Variants in MICAL3 observed in about 807,000 individuals in gnomAD.
MICAL3 encodes microtubule associated monooxygenase, calponin and LIM domain containing 3.
A neutral mutation model predicts 207.4 loss-of-function variants in MICAL3; 62 were observed. That is an observed-to-expected ratio of 0.30 (90% CI 0.24 to 0.37). MICAL3 has a LOEUF of 0.37. Among genes scored for constraint, MICAL3 ranks in the 10% least tolerant of loss-of-function variants. The pLI is 1.00. For synonymous variants in MICAL3, 1,077 were observed against 1,069.3 expected (o/e 1.01, Z -0.14); for missense variants, 2,368 against 2,635.6 (o/e 0.90, Z 2.22).
intron 19 of MICAL3, chr22:17,861,635 A>G (rs1006282001): frequency 6.1e-6 from 6 of 985,314 alleles, no homozygotes; most frequent in Non-Finnish European, 7.2e-6. Context: ...CCTATTGTTC[A>G]AGCTTTTTCT....
chr22:17,925,800 T>C (rs1789341004), intron 1 of MICAL3, among the ~76,000 whole-genome samples: 1 of 152,130 alleles, frequency 6.6e-6, no homozygotes, highest in Non-Finnish European at 1.5e-5. Context: ...CTCTTCACCA[T>C]GACAGATCTT....
intron 23 of MICAL3, among the ~76,000 whole-genome samples, chr22:17,822,602 C>T (rs754888551): frequency 3.9e-5 from 6 of 152,220 alleles, no homozygotes; most frequent in Non-Finnish European, 7.3e-5. Flanking sequence ...TCTCATTCTT[C>T]CCAGCCTCGT....
intron 11 of MICAL3, among the ~76,000 whole-genome samples, chr22:17,893,575 CG>C (rs1196237805): frequency 6.6e-6 from 1 of 152,176 alleles, no homozygotes; most frequent in Admixed American, 6.5e-5. Flanking sequence ...TCGTGCACTG[CG>C]GGATGTTCAG....
intron 1 of MICAL3, among the ~76,000 whole-genome samples, chr22:17,963,300 C>G (rs760569240): frequency 2.6e-5 from 4 of 152,032 alleles, no homozygotes; most frequent in Non-Finnish European, 4.4e-5. Context: ...TTTGTAGAGA[C>G]AGGGTTTCAA....
rs1556037530 is a variant in MICAL3 at position 17,866,669 on chromosome 22, A to AGAATAGAATAG, written c.2429-658_2429-657insCTATTCTATTC. Among the ~76,000 whole-genome samples the AGAATAGAATAG allele has an allele frequency of 9.1e-5, 8 of 87,500 alleles. No individual in the cohort carries two copies. In the East Asian group the frequency reaches 2.8e-3, roughly 31 times the overall value. The allele number at this position is 87,500 out of a possible 152,430, so 57.4% of individuals were successfully genotyped here. On this transcript the variant is annotated intron_variant, in intron 17 of 31. Coordinates refer to ENST00000441493, the MANE Select transcript of MICAL3 (RefSeq NM_015241.3). Reference sequence around the variant, plus strand: ...AGAATAGAATAGAATAGAATAGAATATAGAATAGAATAGAATAGAATCCAG... The same window carrying AGAATAGAATAG: ...AGAATAGAATAGAATAGAATAGAATAGAATAGAATAGTAGAATAGAATAGAATAGAATCCAG...
At chr22:17,825,958 A>G (rs1601980816) in intron 22 of MICAL3, among the ~76,000 whole-genome samples, 1 of 152,026 alleles carries the variant, frequency 6.6e-6, no homozygotes. Flanking sequence ...CCCTGGTCAC[A>G]CCCAGCCTGT....
chr22:17,804,900 C>G (rs1055093550), intron 29 of MICAL3, among the ~76,000 whole-genome samples: 2 of 152,202 alleles, frequency 1.3e-5, no homozygotes, highest in African/African-American at 4.8e-5. Flanking sequence ...AACAAAAAGG[C>G]TTCCCAGGTG....
chr22:17,925,515 A>G (rs979767645), intron 1 of MICAL3, among the ~76,000 whole-genome samples: 13 of 152,182 alleles, frequency 8.5e-5, no homozygotes, highest in Non-Finnish European at 5.9e-5. Flanking sequence ...GAATGTGAAA[A>G]AAGAAGTTGA....
At chr22:17,861,793 A>G in intron 19 of MICAL3, 1 of 984,992 alleles carries the variant, frequency 1.0e-6, no homozygotes, top group South Asian at 4.7e-5. Flanking sequence ...CATTACAAAC[A>G]GAAATACTGT....
At chr22:17,929,924 C>G (rs548447539) in intron 1 of MICAL3, among the ~76,000 whole-genome samples, 1 of 152,198 alleles carries the variant, frequency 6.6e-6, no homozygotes, top group African/African-American at 2.4e-5. Flanking sequence ...CTATGTGTAA[C>G]CAAGAAAACT....
intron 1 of MICAL3, among the ~76,000 whole-genome samples, chr22:17,925,493 C>A (rs1030773621): frequency 3.9e-5 from 6 of 152,140 alleles, no homozygotes; most frequent in Non-Finnish European, 8.8e-5. Context: ...ATGGTTCAGT[C>A]AGTTTTACGA....
Position 17,818,200 on chromosome 22 carries a change from C to T in MICAL3, c.4461G>A (p.Pro1487=), listed in dbSNP as rs745584441. Reference sequence around the variant, plus strand: ...GCATCCAGGTGGCGGGCAAGGGCGGCGGGACCACCGAGGCATTGGGCTCGG... The same window carrying T: ...GCATCCAGGTGGCGGGCAAGGGCGGTGGGACCACCGAGGCATTGGGCTCGG... ...REAEPNASVV[P]PPLPATWMRP... is the part of the protein sequence containing the mutation. The change falls in exon 26 of 32, where the codon CCG becomes CCA. Residue 1487 remains proline, a synonymous_variant. Transcript: ENST00000441493. 62 of 1,493,642 alleles carry T rather than the reference C, an allele frequency of 4.2e-5. 1 individual carries two copies. The South Asian group carries it at 5.2e-4, about 13-fold the overall frequency. 92.5% of individuals were successfully genotyped at this position (1,493,642 alleles called of 1,614,324 possible).
In MICAL3 at chr22:17,896,973, G is replaced by A. The variant is rs768280581; in HGVS notation, c.957C>T (p.Ala319=). 7 of 1,611,828 alleles carry A rather than the reference G, an allele frequency of 4.3e-6. No homozygotes were observed. The highest frequency in any genetic ancestry group is 1.3e-5 in the African/African-American group (1 of 74,950). Residue 319 remains alanine, a synonymous_variant, in exon 8 of 32, where the codon GCC becomes GCT. Transcript: ENST00000441493. The stretch of plus-strand genomic sequence containing the variant: ...CTCGGGAAAGCAGGAGCTCTGTGTC[G>A]GCGTAGTCCTGTCTCCAGAGAAAGA... The part of the protein sequence containing the change: ...LDKGVILHDY[A]DTELLLSREN...
chr22:17,996,204 C>G (rs1922256861), intron 1 of MICAL3, among the ~76,000 whole-genome samples: 2 of 150,838 alleles, frequency 1.3e-5, no homozygotes, highest in Admixed American at 1.3e-4. Flanking sequence ...CTTTGGGAGG[C>G]CGAGGCCAGT....
chr22:17,854,502 G>T (rs1477101680), intron 19 of MICAL3, among the ~76,000 whole-genome samples: 1 of 152,168 alleles, frequency 6.6e-6, no homozygotes. Flanking sequence ...AGTACATGGA[G>T]GACCAACCGA....
chr22:17,798,743 G>A (rs56023606), intron 29 of MICAL3, among the ~76,000 whole-genome samples: 10 of 143,050 alleles, frequency 7.0e-5, no homozygotes, highest in African/African-American at 2.5e-4. Flanking sequence ...GCGCGATCTC[G>A]GCTCACTGCA....
rs189849507 is a variant in MICAL3 at position 17,922,586 on chromosome 22, C to A, written c.-74-15700G>T. Among the ~76,000 whole-genome samples the A allele has an allele frequency of 5.2e-3, 787 of 152,186 alleles. 5 individuals are homozygous for A. Among genetic ancestry groups the A allele is most frequent in the Middle Eastern group, 6.8e-3 (2 of 294 alleles). On this transcript the variant is annotated intron_variant, in intron 1 of 31. Coordinates refer to ENST00000441493, the MANE Select transcript of MICAL3 (RefSeq NM_015241.3). ...TCACTGGTATTATGATGTTGAAGCT[C>A]CCAAGAGTTAGAATGGCTGAAGGGA...
At chr22:17,945,006 A>T (rs906095754) in intron 1 of MICAL3, among the ~76,000 whole-genome samples, 1 of 112,470 alleles carries the variant, frequency 8.9e-6, no homozygotes, top group Non-Finnish European at 1.8e-5. Context: ...GCACTGGGGG[A>T]CCTTTTTTTT....
chr22:17,997,148 C>T (rs1345938513), intron 1 of MICAL3, among the ~76,000 whole-genome samples: 1 of 147,236 alleles, frequency 6.8e-6, no homozygotes, highest in Admixed American at 7.0e-5. Context: ...ACTGCAACCT[C>T]GGCCTCCTGA....
Sources: allele counts gnomAD v4.1 joint callset (sites outside exome capture counted in the v4.1 genomes callset), GRCh38; gene constraint gnomAD v4.1.1; transcripts MANE v1.5; gene names NCBI Gene and HGNC (gene_info 2026-07-23, HGNC 2026-07-21).